The following NEO1 variants were observed in gnomAD, a reference collection of about 807,000 sequenced individuals.
NEO1 encodes neogenin 1.
In NEO1, 63 loss-of-function variants were observed where a neutral mutation model predicts 159.7. The ratio of observed to expected loss-of-function variants is 0.39; its 90% confidence interval spans 0.32 to 0.49. The LOEUF (loss-of-function observed/expected upper bound fraction) is 0.49, where lower values mean the gene tolerates loss of function less well. NEO1 is among the 20% of genes least tolerant of loss of function. The pLI is 0.85. For synonymous variants in NEO1, 633 were observed against 662.0 expected, an observed-to-expected ratio of 0.96 and a Z score of 0.67; for missense variants, 1,615 against 1,831.0, an observed-to-expected ratio of 0.88 and a Z score of 2.15.
chr15:73,208,409 AT>A (rs1206078591), intron 7 of NEO1, among the ~76,000 whole-genome samples: 1 of 152,110 alleles, frequency 6.6e-6, no homozygotes, highest in African/African-American at 2.4e-5. Flanking sequence ...AATCCTTACC[AT>A]TTTCTAGTGA....
chr15:73,072,229 G>T (rs1431556401), intron 1 of NEO1, among the ~76,000 whole-genome samples: 1 of 151,742 alleles, frequency 6.6e-6, no homozygotes, highest in East Asian at 1.9e-4. Flanking sequence ...GGGATTACAG[G>T]TGTGAGCCAC....
intron 1 of NEO1, among the ~76,000 whole-genome samples, chr15:73,106,716 C>T (rs1387569464): frequency 6.6e-6 from 1 of 152,144 alleles, no homozygotes; most frequent in Admixed American, 6.5e-5. Flanking sequence ...TCTTCATTCT[C>T]TTTGTGGTGT....
chr15:73,160,415 G>A (rs1411066871), intron 5 of NEO1, among the ~76,000 whole-genome samples: 1 of 152,090 alleles, frequency 6.6e-6, no homozygotes, highest in African/African-American at 2.4e-5. Flanking sequence ...TATTTCATAT[G>A]TATATTCTTG....
chr15:73,084,155 G>A (rs1441348598), intron 1 of NEO1, among the ~76,000 whole-genome samples: 3 of 151,500 alleles, frequency 2.0e-5, no homozygotes, highest in South Asian at 2.1e-4. Context: ...AGAACTTAAA[G>A]TATAATTAAA....
intron 2 of NEO1, among the ~76,000 whole-genome samples, chr15:73,120,769 A>G (rs1470753193): frequency 6.6e-6 from 1 of 152,042 alleles, no homozygotes; most frequent in Non-Finnish European, 1.5e-5. Context: ...AGATTCAGAT[A>G]TGTGACTTGA....
intron 13 of NEO1, among the ~76,000 whole-genome samples, chr15:73,257,132 C>CAAAAAAAAAAAAAAAAAAAAAAAA (rs10623334): frequency 1.1e-4 from 6 of 54,772 alleles, no homozygotes; most frequent in African/African-American, 3.5e-4. Context: ...ACTCTGTCTC[C>CAAAAAAAAAAAAAAAAAAAAAAAA]AAAAAAAAAA....
chr15:73,120,279 T>C (rs1673368644), intron 2 of NEO1, among the ~76,000 whole-genome samples: 3 of 152,036 alleles, frequency 2.0e-5, no homozygotes, highest in African/African-American at 7.2e-5. Context: ...TCTTCTGATA[T>C]TCTGGTTTCT....
intron 13 of NEO1, 60 bp downstream of exon 13, chr15:73,254,889 G>A: frequency 9.0e-6 from 14 of 1,556,768 alleles, no homozygotes; most frequent in Non-Finnish European, 1.2e-5. Context: ...ATTGAATTAT[G>A]CTAGTCTAAT....
chr15:73,087,118 G>A (rs1015282561), intron 1 of NEO1, among the ~76,000 whole-genome samples: 1 of 152,172 alleles, frequency 6.6e-6, no homozygotes, highest in African/African-American at 2.4e-5. Flanking sequence ...TTACCATTAA[G>A]TATGATGTTA....
chr15:73,299,345 TTAAGA>T (rs920959251), intron 27 of NEO1, among the ~76,000 whole-genome samples: 15 of 152,214 alleles, frequency 9.9e-5, no homozygotes, highest in African/African-American at 2.9e-4. Flanking sequence ...ATCTATCATG[TTAAGA>T]TAAGTAGCAT....
intron 1 of NEO1, among the ~76,000 whole-genome samples, chr15:73,056,352 A>G (rs907469919): frequency 1.3e-5 from 2 of 152,340 alleles, no homozygotes; most frequent in East Asian, 1.9e-4. Flanking sequence ...TTTCTCTTCC[A>G]AAGAGAGTTA....
intron 7 of NEO1, among the ~76,000 whole-genome samples, chr15:73,200,648 G>A (rs1320497423): frequency 6.8e-6 from 1 of 147,212 alleles, no homozygotes; most frequent in African/African-American, 2.5e-5. Flanking sequence ...CGGGCATAGA[G>A]TTGTTTATAG....
At chr15:73,284,875 A>C (rs1345787141) in intron 23 of NEO1, among the ~76,000 whole-genome samples, 2 of 152,148 alleles carry the variant, frequency 1.3e-5, no homozygotes, top group Non-Finnish European at 2.9e-5. Flanking sequence ...GGCATGAGCC[A>C]CTGCGCCCGG....
intron 18 of NEO1, among the ~76,000 whole-genome samples, chr15:73,271,106 C>T (rs1052040887): frequency 6.6e-6 from 1 of 152,174 alleles, no homozygotes; most frequent in Non-Finnish European, 1.5e-5. Context: ...ATAAATTCTC[C>T]ACAAACTGGG....
intron 4 of NEO1, 69 bp from the exon 5 acceptor site, chr15:73,135,822 G>T: frequency 1.5e-6 from 2 of 1,331,638 alleles, no homozygotes; most frequent in South Asian, 1.9e-5. Flanking sequence ...ATTTTATGTG[G>T]AGAGTTTTTC....
Position 73,279,351 on chromosome 15 carries a change from G to GTTTTTTTTTTTTTT in NEO1, c.3262+1154_3262+1167dup, listed in dbSNP as rs869029902. On this transcript the variant is annotated intron_variant, in intron 22 of 28. Transcript: ENST00000261908. ...ATGTTTTTTTGTTGTTTTGGTTTTG[G>GTTTTTTTTTTTTTT]TTTTTTTTTTTTTTTGAGATGGAAT... 7.4e-3 allele frequency among the ~76,000 whole-genome samples: 887 copies of GTTTTTTTTTTTTTT among 119,120 alleles called. 127 individuals carry two copies. The highest frequency in any genetic ancestry group is 0.01 in the Non-Finnish European group (573 of 57,182). The allele number at this position is 119,120 out of a possible 152,430, so 78.1% of individuals were successfully genotyped here.
chr15:73,156,021 C>T (rs938448139), intron 5 of NEO1, among the ~76,000 whole-genome samples: 1 of 152,198 alleles, frequency 6.6e-6, no homozygotes, highest in Non-Finnish European at 1.5e-5. Flanking sequence ...TAATATGTTG[C>T]TTTTTCATAC....
rs774670599 is a variant in NEO1, at chr15:73,254,793, T to G, written c.2056T>G (p.Leu686Val). The change falls in exon 13 of 29, where the codon TTG becomes GTG. Residue 686 changes from leucine to valine, a missense_variant. By Grantham distance (32) the Leu-to-Val change is conservative (BLOSUM62 1). Around this residue, in one of 3 missense-constraint regions of NEO1, gnomAD observed 1,018 missense variants for 1,115.4 expected, o/e 0.91. Coordinates refer to ENST00000261908, the MANE Select transcript of NEO1 (RefSeq NM_002499.4). ...CCGAAAGAGTGATGTCACTGAGACC[T>G]TGGTAAGCGGGACACAGCTGTCTCA... ...ASRKSDVTET[L>V]VSGTQLSQLI... 45 of 1,613,954 alleles carry G rather than the reference T, an allele frequency of 2.8e-5. No homozygotes were observed. Among genetic ancestry groups the G allele is most frequent in the South Asian group, 1.5e-4 (14 of 91,060 alleles).
At chr15:73,285,791 A>G (rs554772086) in intron 23 of NEO1, among the ~76,000 whole-genome samples, 6 of 152,202 alleles carry the variant, frequency 3.9e-5, no homozygotes, top group Admixed American at 6.5e-5. Context: ...AGAAGCTGTC[A>G]GATAAGAACA....
Sources: allele counts gnomAD v4.1 joint callset (sites outside exome capture counted in the v4.1 genomes callset), GRCh38; gene constraint gnomAD v4.1.1; regional missense constraint gnomAD v4.1.1; transcripts MANE v1.5; gene names NCBI Gene and HGNC (gene_info 2026-07-23, HGNC 2026-07-21).